DYNC1I1: variants seen among roughly 807,000 people sequenced by gnomAD.
The protein encoded by DYNC1I1 is dynein cytoplasmic 1 intermediate chain 1.
DYNC1I1 carries 43 observed loss-of-function variants against 86.6 expected under a neutral mutation model. The observed-to-expected ratio is 0.50, with a 90% confidence interval of 0.39 to 0.64. DYNC1I1 has a LOEUF of 0.64. Among genes scored for constraint, DYNC1I1 ranks in the 30% least tolerant of loss-of-function variants. The pLI is 0.00. For synonymous variants in DYNC1I1, 262 were observed against 283.7 expected, an observed-to-expected ratio of 0.92 and a Z score of 0.77; for missense variants, 604 against 788.8, an observed-to-expected ratio of 0.77 and a Z score of 2.81.
downstream of DYNC1I1, among the ~76,000 whole-genome samples, chr7:96,102,509 C>T (rs1280312956): frequency 1.3e-5 from 2 of 152,176 alleles, no homozygotes; most frequent in African/African-American, 2.4e-5. Flanking sequence ...TTAGAGCCCC[C>T]ACCACAAAGA....
intron 6 of DYNC1I1, among the ~76,000 whole-genome samples, chr7:95,891,334 A>T (rs1056292972): frequency 1.3e-5 from 2 of 152,246 alleles, no homozygotes; most frequent in African/African-American, 4.8e-5. Context: ...TCAAAATAAA[A>T]TAGCTATTTA....
At chr7:95,978,854 G>T (rs540301651) in intron 7 of DYNC1I1, among the ~76,000 whole-genome samples, 1 of 151,848 alleles carries the variant, frequency 6.6e-6, no homozygotes, top group Admixed American at 6.6e-5. Context: ...GCAGTGCAGC[G>T]ACGTGATCTC....
At chr7:95,918,589 G>C (rs1024023010) in intron 6 of DYNC1I1, among the ~76,000 whole-genome samples, 4 of 152,184 alleles carry the variant, frequency 2.6e-5, no homozygotes, top group Admixed American at 2.6e-4. Context: ...GTGCCATTTA[G>C]CAGTTGCCTT....
chr7:96,052,574 A>G (rs913738427), intron 14 of DYNC1I1, among the ~76,000 whole-genome samples: 1 of 152,224 alleles, frequency 6.6e-6, no homozygotes, highest in Non-Finnish European at 1.5e-5. Context: ...TGTTAAAACC[A>G]TGCTAAGTAT....
At chr7:95,784,928 C>T (rs991902560) in intron 1 of DYNC1I1, among the ~76,000 whole-genome samples, 1 of 152,204 alleles carries the variant, frequency 6.6e-6, no homozygotes, top group Admixed American at 6.5e-5. Flanking sequence ...CTGCCATTCA[C>T]TTGGGGCCAG....
chr7:95,947,576 G>A (rs1389002857), intron 6 of DYNC1I1, among the ~76,000 whole-genome samples: 1 of 152,106 alleles, frequency 6.6e-6, no homozygotes, highest in African/African-American at 2.4e-5. Flanking sequence ...CTCAGGACCA[G>A]CTCTCCTCCA....
chr7:95,804,681 A>G (rs755924982), intron 1 of DYNC1I1, 40 bp from the exon 2 acceptor site: 1 of 1,505,534 alleles, frequency 6.6e-7, no homozygotes, highest in East Asian at 2.4e-5. Flanking sequence ...CAGAAAAGTT[A>G]TTTATATATA....
Position 96,098,303 on chromosome 7 carries a change from A to ACTT in DYNC1I1, c.*711_*713dup. The ACTT allele has an allele frequency of 1.0e-6, 1 of 985,868 alleles. No individual in the cohort carries two copies. Among genetic ancestry groups the ACTT allele is most frequent in the African/African-American group, 1.7e-5 (1 of 57,360 alleles). The allele number at this position is 985,868 out of a possible 1,614,324, so 61.1% of individuals were successfully genotyped here. A position where few individuals can be genotyped will look rare whatever the true frequency, so the allele number is the denominator to read the frequency against. On this transcript the variant is annotated 3_prime_UTR_variant, in exon 17 of 17. Coordinates refer to ENST00000447467, the MANE Select transcript of DYNC1I1 (RefSeq NM_001135556.2). ...ATTTTAATGCCTATTATTTCTGGGTACTTTAACAATATTTCAAATATCATT... is the reference window on the plus strand; with the variant it reads ...ATTTTAATGCCTATTATTTCTGGGTACTTCTTTAACAATATTTCAAATATCATT...
chr7:96,034,075 A>C (rs1056247516), intron 12 of DYNC1I1, among the ~76,000 whole-genome samples: 2 of 152,114 alleles, frequency 1.3e-5, no homozygotes, highest in African/African-American at 4.8e-5. Flanking sequence ...GGAAATATGG[A>C]AACTGTGAAG....
intron 6 of DYNC1I1, among the ~76,000 whole-genome samples, chr7:95,885,110 G>A (rs1202217751): frequency 6.6e-6 from 1 of 152,124 alleles, no homozygotes; most frequent in African/African-American, 2.4e-5. Context: ...TAGAAACCCT[G>A]TGTTTTCTCC....
At chr7:95,918,441 G>A (rs906234039) in intron 6 of DYNC1I1, among the ~76,000 whole-genome samples, 2 of 152,142 alleles carry the variant, frequency 1.3e-5, no homozygotes, top group Non-Finnish European at 2.9e-5. Flanking sequence ...AGGGCTAAGG[G>A]GCTCCCCACC....
intron 4 of DYNC1I1, among the ~76,000 whole-genome samples, chr7:95,826,082 G>A (rs1185647979): frequency 2.0e-5 from 3 of 152,198 alleles, no homozygotes; most frequent in African/African-American, 7.2e-5. Flanking sequence ...GTCCTGGAGC[G>A]TGTTTGAAAT....
intron 5 of DYNC1I1, among the ~76,000 whole-genome samples, chr7:95,869,421 T>G (rs1243358901): frequency 6.6e-6 from 1 of 152,132 alleles, no homozygotes; most frequent in Non-Finnish European, 1.5e-5. Flanking sequence ...TCTTTAAATA[T>G]AATCCCCTCA....
At chr7:96,011,352 A>G (rs1160460598) in intron 10 of DYNC1I1, among the ~76,000 whole-genome samples, 2 of 152,198 alleles carry the variant, frequency 1.3e-5, no homozygotes, top group East Asian at 1.9e-4. Context: ...AAGGAAAAAA[A>G]TAAGTTAAAT....
intron 7 of DYNC1I1, among the ~76,000 whole-genome samples, chr7:95,983,764 G>C (rs1203865871): frequency 1.3e-5 from 2 of 152,230 alleles, no homozygotes; most frequent in East Asian, 3.9e-4. Context: ...AAACCCTGTA[G>C]GTGAGTGATT....
intron 1 of DYNC1I1, among the ~76,000 whole-genome samples, chr7:95,779,861 G>A (rs555524782): frequency 6.6e-6 from 1 of 152,314 alleles, no homozygotes; most frequent in South Asian, 2.1e-4. Context: ...CAAGATGAAT[G>A]TGTGCTTGGT....
chr7:95,904,384 A>G (rs1791118833), intron 6 of DYNC1I1, among the ~76,000 whole-genome samples: 1 of 152,156 alleles, frequency 6.6e-6, no homozygotes, highest in Non-Finnish European at 1.5e-5. Flanking sequence ...CATAAGTGAT[A>G]TGCTTTGCCT....
At chr7:96,044,505 T>C (rs939552674) in intron 14 of DYNC1I1, among the ~76,000 whole-genome samples, 4 of 152,022 alleles carry the variant, frequency 2.6e-5, no homozygotes, top group Non-Finnish European at 5.9e-5. Context: ...ATGTTGCTGC[T>C]GTGGAAGAGC....
intron 6 of DYNC1I1, among the ~76,000 whole-genome samples, chr7:95,974,031 T>C (rs1489870028): frequency 6.6e-6 from 1 of 152,210 alleles, no homozygotes; most frequent in Non-Finnish European, 1.5e-5. Flanking sequence ...CTCCAAGGTC[T>C]TCACACAACT....
Sources: allele counts gnomAD v4.1 joint callset (sites outside exome capture counted in the v4.1 genomes callset), GRCh38; gene constraint gnomAD v4.1.1; transcripts MANE v1.5; gene names NCBI Gene and HGNC (gene_info 2026-07-23, HGNC 2026-07-21).